Variants in TASP1 observed in about 807,000 individuals in gnomAD.
The protein encoded by TASP1 is taspase 1, also known as threonine aspartase 1.
A neutral mutation model predicts 56.6 loss-of-function variants in TASP1; 16 were observed. The observed-to-expected ratio is 0.28, with a 90% CI of 0.19 to 0.43. The LOEUF (loss-of-function observed/expected upper bound fraction) is 0.43, where lower values mean the gene tolerates loss of function less well. Among genes scored for constraint, TASP1 ranks in the 20% least tolerant of loss-of-function variants. The pLI is 1.00. For missense variants in TASP1, 393 were observed against 511.6 expected (o/e 0.77, Z 2.24); for synonymous variants, 179 against 184.2 (o/e 0.97, Z 0.23).
chr20:13,579,721 A>C (rs2047053589), intron 6 of TASP1, among the ~76,000 whole-genome samples: 1 of 152,146 alleles, frequency 6.6e-6, no homozygotes, highest in Non-Finnish European at 1.5e-5. Context: ...GATCTCAATA[A>C]ATCAGATTTG....
intron 11 of TASP1, among the ~76,000 whole-genome samples, chr20:13,451,154 G>A (rs571597633): frequency 6.6e-6 from 1 of 152,238 alleles, no homozygotes; most frequent in East Asian, 1.9e-4. Flanking sequence ...AAACTGTGCT[G>A]TAAACAGATG....
At chr20:13,344,206 T>C in the TASP1 span, among the ~76,000 whole-genome samples, 1 of 152,090 alleles carries the variant, frequency 6.6e-6, no homozygotes, top group African/African-American at 2.4e-5. Flanking sequence ...GAAGTACCCT[T>C]GATCTTGACC....
intron 10 of TASP1, among the ~76,000 whole-genome samples, chr20:13,498,331 TTG>T (rs60099056): frequency 0.18 from 24,528 of 134,626 alleles, 2,206 homozygotes; most frequent in East Asian, 0.22. Flanking sequence ...TTCTTTTCTT[TTG>T]TGTGTGTGTG....
At chr20:13,299,366 C>T in the TASP1 span, 6 of 1,613,672 alleles carry the variant, frequency 3.7e-6, no homozygotes, top group Non-Finnish European at 5.1e-6. The surrounding 1 kb of genome is among the most constrained non-coding windows in gnomAD (Gnocchi z 5.8). Context: ...GCAGGTATAA[C>T]GAGGCCCGGC....
downstream of TASP1, among the ~76,000 whole-genome samples, chr20:13,386,216 T>C (rs758016683): frequency 1.2e-4 from 18 of 152,214 alleles, no homozygotes; most frequent in Non-Finnish European, 2.4e-4. Context: ...TGTAAACCTA[T>C]AGGTCTGGTC....
chr20:13,593,389 G>A (rs541760472), intron 4 of TASP1, among the ~76,000 whole-genome samples: 56 of 152,304 alleles, frequency 3.7e-4, no homozygotes, highest in African/African-American at 1.2e-3. Context: ...AGGGTGAGCC[G>A]AAGCTGGGTG....
chr20:13,629,322 C>T (rs1046158446), intron 2 of TASP1, among the ~76,000 whole-genome samples: 1 of 148,598 alleles, frequency 6.7e-6, no homozygotes, highest in African/African-American at 2.5e-5. Context: ...CAAGATCACA[C>T]CATTGCATTC....
chr20:13,220,198 T>C, the TASP1 span, among the ~76,000 whole-genome samples: 1 of 152,072 alleles, frequency 6.6e-6, no homozygotes, highest in Non-Finnish European at 1.5e-5. Context: ...AAGCGCAGTA[T>C]AAAAGTCCCG....
In TASP1 at chr20:13,559,112, A is replaced by G. The variant is rs746982544; in HGVS notation, c.571T>C (p.Phe191Leu). 8 of 1,527,976 alleles carry G rather than the reference A, an allele frequency of 5.2e-6. No individual in the cohort carries two copies. The Admixed American group carries it at 1.6e-4, about 31-fold the overall frequency. 94.7% of individuals were successfully genotyped at this position (1,527,976 alleles called of 1,614,324 possible). A position where few individuals can be genotyped will look rare whatever the true frequency, so the allele number is the denominator to read the frequency against. The stretch of plus-strand genomic sequence containing the variant: ...TTTCTTTTAAATGCAGCTAAACTGA[A>G]TCCTATAAAATAAAAATAAAAAACA... ...SCPPNIMTTR[F>L]SLAAFKRNKR... Residue 191 changes from phenylalanine (F) to leucine (L), a missense_variant and splice_region_variant, in exon 8 of 14, where the codon TTC (phenylalanine) becomes CTC (leucine). By Grantham distance (22) the Phe-to-Leu change is conservative (BLOSUM62 0). This residue lies in a region of TASP1 where 293 missense variants were observed against 354.2 expected (regional missense o/e 0.83). Coordinates refer to ENST00000337743, the MANE Select transcript of TASP1 (RefSeq NM_017714.3).
intron 4 of TASP1, among the ~76,000 whole-genome samples, chr20:13,619,125 G>A (rs773474099): frequency 1.3e-5 from 2 of 151,816 alleles, no homozygotes; most frequent in African/African-American, 4.8e-5. Context: ...CATCCGCTTC[G>A]GCCTCCCAAA....
chr20:13,384,017 C>G, the TASP1 span, among the ~76,000 whole-genome samples: 4 of 152,160 alleles, frequency 2.6e-5, no homozygotes, highest in Non-Finnish European at 1.5e-5. Context: ...AGATTAAAAT[C>G]TTACTACTTG....
At chr20:13,182,477 G>C in the TASP1 span, among the ~76,000 whole-genome samples, 1 of 152,146 alleles carries the variant, frequency 6.6e-6, no homozygotes, top group Non-Finnish European at 1.5e-5. Context: ...ACCAGCCACT[G>C]TCCTACATCC....
intron 13 of TASP1, chr20:13,393,635 G>A (rs189973503): frequency 7.8e-7 from 1 of 1,278,052 alleles, no homozygotes; most frequent in Non-Finnish European, 1.1e-6. Context: ...ACAGCAATAT[G>A]GTGGTGGACC....
At chr20:13,321,253 T>TTAAA in the TASP1 span, among the ~76,000 whole-genome samples, 206 of 57,526 alleles carry the variant, frequency 3.6e-3, 8 homozygotes, top group African/African-American at 0.013. Flanking sequence ...GTGCCCCACA[T>TTAAA]AAAAAAAAAA....
At chr20:13,107,295 G>GA in the TASP1 span, among the ~76,000 whole-genome samples, 20 of 151,130 alleles carry the variant, frequency 1.3e-4, no homozygotes, top group South Asian at 8.3e-4. Flanking sequence ...TGAGAAAATA[G>GA]AAAAAAAAGT....
the TASP1 span, among the ~76,000 whole-genome samples, chr20:13,216,775 G>C: frequency 6.6e-6 from 1 of 152,176 alleles, no homozygotes. Flanking sequence ...TAGGGACTCT[G>C]CTCCAGAGAC....
chr20:13,185,673 G>A, the TASP1 span, among the ~76,000 whole-genome samples: 1 of 152,036 alleles, frequency 6.6e-6, no homozygotes, highest in Admixed American at 6.5e-5. Flanking sequence ...TTTCAGTACA[G>A]AATCCCACTT....
At chr20:13,636,291 G>T (rs977076596) in intron 1 of TASP1, among the ~76,000 whole-genome samples, 2 of 150,774 alleles carry the variant, frequency 1.3e-5, no homozygotes, top group African/African-American at 4.9e-5. Context: ...AATTACAGGC[G>T]CAGGCCACCA....
At chr20:13,223,350 T>C in the TASP1 span, among the ~76,000 whole-genome samples, 1 of 152,184 alleles carries the variant, frequency 6.6e-6, no homozygotes, top group Non-Finnish European at 1.5e-5. Context: ...CCATTGTGTT[T>C]ACTACGTGCC....
Sources: gnomAD v4.1 joint callset for allele counts (sites outside exome capture counted in the v4.1 genomes callset) on GRCh38, gnomAD v4.1.1 for gene constraint, gnomAD v4.1.1 regional missense constraint, Gnocchi (gnomAD v3.1) non-coding constraint, MANE v1.5 for transcripts, NCBI Gene and HGNC (gene_info 2026-07-23, HGNC 2026-07-21) for gene names.